SLC25A24: variants seen among roughly 807,000 people sequenced by gnomAD.
SLC25A24 encodes mitochondrial adenyl nucleotide antiporter SLC25A24.
SLC25A24 carries 49 observed loss-of-function variants against 60.7 expected under a neutral mutation model. The observed-to-expected ratio is 0.81, with a 90% CI of 0.64 to 1.02. The LOEUF (loss-of-function observed/expected upper bound fraction) is 1.02. Among genes scored for constraint, SLC25A24 ranks in the 50% least tolerant of loss-of-function variants. The probability of loss-of-function intolerance (pLI) is 0.00; values close to 1 mark genes in which losing one functional copy is unlikely to be tolerated. For missense variants in SLC25A24, 564 were observed against 586.3 expected (o/e 0.96, Z 0.39); for synonymous variants, 202 against 200.6 (o/e 1.01, Z -0.06).
intron 2 of SLC25A24, among the ~76,000 whole-genome samples, chr1:108,183,152 AG>A (rs1647988240): frequency 6.6e-6 from 1 of 152,180 alleles, no homozygotes; most frequent in South Asian, 2.1e-4. Flanking sequence ...CCAGAAAAAG[AG>A]GAAGACCAAA....
rs1679294062 is a variant in SLC25A24, at chr1:108,136,623, A to G, written c.*30T>C. The G allele has an allele frequency of 6.3e-7, 1 of 1,584,496 alleles. No homozygotes were observed. The highest frequency in any genetic ancestry group is 8.6e-7 in the Non-Finnish European group (1 of 1,157,352). On this transcript the variant is annotated 3_prime_UTR_variant, in exon 10 of 10. Transcript: ENST00000565488. ...CACTCCAGAGATTGTTGAAAGTTTC[A>G]ATTATCAGGCTAAAGCAAAAAATGC...
rs1296733067 is a variant in SLC25A24, at chr1:108,164,558, A to T, written c.399-3265T>A. ...GTCGAGGAATTTATCCATTTCTTCT[A>T]GATTTTCTAGTTTATTTGCATAGAG... is the stretch of plus-strand genomic sequence containing the variant. On this transcript the variant is annotated intron_variant, in intron 3 of 9. Transcript: ENST00000565488. Among the ~76,000 whole-genome samples, 11 of 151,366 alleles carry T rather than the reference A, an allele frequency of 7.3e-5. No homozygotes were observed. The East Asian group carries it at 2.1e-3, about 29-fold the overall frequency.
intron 9 of SLC25A24, 91 bp from the exon 10 acceptor site, chr1:108,136,928 A>G: frequency 2.5e-6 from 3 of 1,211,016 alleles, no homozygotes; most frequent in Non-Finnish European, 3.5e-6. Context: ...ATATTCTAAA[A>G]TACAGTAAAA....
At chr1:108,167,622 G>A (rs1277537132) in intron 3 of SLC25A24, among the ~76,000 whole-genome samples, 5 of 152,232 alleles carry the variant, frequency 3.3e-5, no homozygotes, top group African/African-American at 1.2e-4. Flanking sequence ...CACTTCCCGA[G>A]TGAGGCAATG....
intron 1 of SLC25A24, among the ~76,000 whole-genome samples, chr1:108,186,827 C>T (rs552928579): frequency 8.1e-4 from 123 of 152,198 alleles, no homozygotes; most frequent in African/African-American, 2.4e-3. Flanking sequence ...CCTATAATCC[C>T]AGCACTTTGG....
At chr1:108,199,881 C>T in intron 1 of SLC25A24, 75 bp downstream of exon 1, 1 of 1,177,126 alleles carries the variant, frequency 8.5e-7, no homozygotes, top group Non-Finnish European at 1.2e-6. Flanking sequence ...AAGCCGCCGC[C>T]CTCCTCGGTC....
intron 3 of SLC25A24, among the ~76,000 whole-genome samples, chr1:108,177,424 C>A (rs1030828256): frequency 2.0e-5 from 3 of 152,046 alleles, no homozygotes; most frequent in Non-Finnish European, 2.9e-5. Flanking sequence ...TCAATAATTA[C>A]CTTGAACATG....
Position 108,157,489 on chromosome 1 carries a change from A to T in SLC25A24, c.642T>A (p.Pro214=). 1 of 1,614,174 alleles carries T rather than the reference A, an allele frequency of 6.2e-7. No individual in the cohort carries two copies. The highest frequency in any genetic ancestry group is 1.1e-5 in the South Asian group (1 of 91,076). The change falls in exon 5 of 10, where the codon CCT becomes CCA. Residue 214 remains proline (P), a synonymous_variant. Coordinates refer to ENST00000565488, the MANE Select transcript of SLC25A24 (RefSeq NM_013386.5). The part of the protein sequence containing the change: ...AGAVSRTSTA[P]LDRLKIMMQV... ...GCATCATGATTTTCAGACGGTCCAA[A>T]GGGGCAGTGCTTGTTCGAGAGACAG...
At chr1:108,171,225 T>C (rs994984288) in intron 3 of SLC25A24, among the ~76,000 whole-genome samples, 4 of 152,178 alleles carry the variant, frequency 2.6e-5, no homozygotes, top group Non-Finnish European at 5.9e-5. Context: ...CTTGAAATTT[T>C]ACCACATATA....
chr1:108,181,728 G>C (rs887506445), intron 3 of SLC25A24, among the ~76,000 whole-genome samples: 1 of 152,114 alleles, frequency 6.6e-6, no homozygotes, highest in Non-Finnish European at 1.5e-5. Flanking sequence ...TTGAGGCCTT[G>C]AAAGAAAGAG....
chr1:108,146,552 T>C (rs181377165), intron 7 of SLC25A24, among the ~76,000 whole-genome samples: 1 of 152,342 alleles, frequency 6.6e-6, no homozygotes, highest in Admixed American at 6.5e-5. Context: ...GGCTGTGGGT[T>C]TGTCATAAAC....
chr1:108,164,991 T>C (rs1475182236), intron 3 of SLC25A24, among the ~76,000 whole-genome samples: 1 of 145,120 alleles, frequency 6.9e-6, no homozygotes, highest in African/African-American at 2.6e-5. Flanking sequence ...TGGTATGTTG[T>C]GTCTTTGTTC....
intron 9 of SLC25A24, 46 bp downstream of exon 9, chr1:108,139,012 C>T (rs1217463218): frequency 2.7e-6 from 4 of 1,464,340 alleles, no homozygotes; most frequent in Non-Finnish European, 3.6e-6. Flanking sequence ...AAGCACATTA[C>T]TGGTGCAGCA....
At chr1:108,145,889 T>C (rs561987957) in intron 7 of SLC25A24, among the ~76,000 whole-genome samples, 29 of 152,334 alleles carry the variant, frequency 1.9e-4, no homozygotes, top group African/African-American at 7.0e-4. Flanking sequence ...ATACAGGCTC[T>C]TTTTTAGTTT....
At chr1:108,188,886 A>G (rs1206395446) in intron 1 of SLC25A24, among the ~76,000 whole-genome samples, 1 of 152,206 alleles carries the variant, frequency 6.6e-6, no homozygotes, top group Non-Finnish European at 1.5e-5. Context: ...GGGGGGAGTT[A>G]GTATAAAATA....
At chr1:108,159,033 C>A (rs1051879051) in intron 4 of SLC25A24, among the ~76,000 whole-genome samples, 1 of 151,930 alleles carries the variant, frequency 6.6e-6, no homozygotes, top group Non-Finnish European at 1.5e-5. Context: ...AAAACAAAAA[C>A]AAAAAATAAA....
chr1:108,154,869 T>A, intron 6 of SLC25A24, 114 bp downstream of exon 6: 1 of 746,674 alleles, frequency 1.3e-6, no homozygotes, highest in Non-Finnish European at 2.1e-6. Flanking sequence ...GGAGTATATG[T>A]GAAAGATTAT....
intron 3 of SLC25A24, among the ~76,000 whole-genome samples, chr1:108,169,945 A>G (rs933551568): frequency 7.2e-5 from 11 of 152,082 alleles, no homozygotes; most frequent in South Asian, 2.1e-4. Context: ...TTCTTCATCA[A>G]TCTTTCCAGA....
Position 108,134,995 on chromosome 1 carries a change from A to C in SLC25A24, c.*1658T>G, listed in dbSNP as rs1414982988. 4 of 152,154 alleles carry C rather than the reference A, an allele frequency of 2.6e-5. No individual in the cohort carries two copies. The highest frequency in any genetic ancestry group is 5.9e-5 in the Non-Finnish European group (4 of 68,012). The allele number at this position is 152,154 out of a possible 1,614,324, so 9.4% of individuals were successfully genotyped here. Reference sequence around the variant, plus strand: ...TCATACCTTACAATTTAAATTCATAATGAACAATGAATATTTTCATATTTT... The same window carrying C: ...TCATACCTTACAATTTAAATTCATACTGAACAATGAATATTTTCATATTTT... On this transcript the variant is annotated 3_prime_UTR_variant, in exon 10 of 10. Coordinates refer to ENST00000565488, the MANE Select transcript of SLC25A24 (RefSeq NM_013386.5).
Sources: gnomAD v4.1 joint callset for allele counts (sites outside exome capture counted in the v4.1 genomes callset) on GRCh38, gnomAD v4.1.1 for gene constraint, MANE v1.5 for transcripts, NCBI Gene and HGNC (gene_info 2026-07-23, HGNC 2026-07-21) for gene names.